The following RBBP4 variants were observed in gnomAD, a reference collection of about 807,000 sequenced individuals.
RBBP4 encodes histone-binding protein RBBP4.
A neutral mutation model predicts 57.2 loss-of-function variants in RBBP4; 3 were observed. The ratio of observed to expected loss-of-function variants is 0.05; its 90% CI spans 0.02 to 0.14. RBBP4 has a LOEUF of 0.14. Ranked by LOEUF, RBBP4 falls within the 10% of genes least tolerant of loss-of-function variation. RBBP4 has a pLI of 1.00. For synonymous variants in RBBP4, 151 were observed against 171.5 expected (o/e 0.88, Z 0.93); for missense variants, 107 against 520.6 (o/e 0.21, Z 7.73).
intron 11 of RBBP4, among the ~76,000 whole-genome samples, chr1:32,675,360 G>A (rs932865803): frequency 1.3e-5 from 2 of 152,020 alleles, no homozygotes; most frequent in African/African-American, 2.4e-5. Flanking sequence ...ATTGAAGACA[G>A]AAATAAAATA....
chr1:32,671,113 T>A (rs1236988983), intron 8 of RBBP4, among the ~76,000 whole-genome samples: 1 of 152,218 alleles, frequency 6.6e-6, no homozygotes, highest in Non-Finnish European at 1.5e-5. Context: ...TAGTAAATTT[T>A]TTGTCTGACT....
chr1:32,676,940 C>G (rs1317498877), intron 11 of RBBP4, among the ~76,000 whole-genome samples: 1 of 151,744 alleles, frequency 6.6e-6, no homozygotes, highest in Non-Finnish European at 1.5e-5. Context: ...GAGACCCTGT[C>G]TCAAAAAAAA....
chr1:32,664,864 C>A (rs12047344), intron 3 of RBBP4, among the ~76,000 whole-genome samples: 1 of 151,982 alleles, frequency 6.6e-6, no homozygotes, highest in African/African-American at 2.4e-5. Flanking sequence ...ATAAAGCAAA[C>A]CACACAAATT....
intron 3 of RBBP4, among the ~76,000 whole-genome samples, chr1:32,663,341 AT>A (rs1436276698): frequency 6.6e-6 from 1 of 152,226 alleles, no homozygotes; most frequent in Non-Finnish European, 1.5e-5. Context: ...AGCCAACAAA[AT>A]AGGAAAGCAA....
At chr1:32,673,695 C>A in intron 11 of RBBP4, 1 of 187,826 alleles carries the variant, frequency 5.3e-6, no homozygotes, top group Non-Finnish European at 1.1e-5. Flanking sequence ...CTCGACCTCC[C>A]GGAGTGCTGG....
At chr1:32,656,072 T>C (rs1321644243) in intron 2 of RBBP4, among the ~76,000 whole-genome samples, 1 of 152,250 alleles carries the variant, frequency 6.6e-6, no homozygotes, top group Admixed American at 6.5e-5. Flanking sequence ...TAGTCAGTTT[T>C]AATCGGCCTT....
chr1:32,658,925 AATGTT>A (rs1252299916), intron 3 of RBBP4, among the ~76,000 whole-genome samples: 19 of 87,640 alleles, frequency 2.2e-4, no homozygotes, highest in African/African-American at 7.6e-4. Context: ...ACACAATATA[AATGTT>A]ATATTTATAT....
At chr1:32,677,843 A>G (rs1281876577) in intron 11 of RBBP4, among the ~76,000 whole-genome samples, 2 of 152,168 alleles carry the variant, frequency 1.3e-5, no homozygotes, top group African/African-American at 2.4e-5. Context: ...AGGTAAGACT[A>G]TCCTGTCCTC....
chr1:32,681,949 A>AT lies in RBBP4; in HGVS notation c.*2247dup. The AT allele has an allele frequency of 8.3e-7, 1 of 1,204,066 alleles. No individual in the cohort carries two copies. The highest frequency in any genetic ancestry group is 1.2e-6 in the Non-Finnish European group (1 of 816,668). The allele number at this position is 1,204,066 out of a possible 1,614,324, so 74.6% of individuals were successfully genotyped here. A position where few individuals can be genotyped will look rare whatever the true frequency, so the allele number is the denominator to read the frequency against. On this transcript the variant is annotated 3_prime_UTR_variant, in exon 12 of 12. Coordinates refer to ENST00000373493, the MANE Select transcript of RBBP4 (RefSeq NM_005610.3). Reference sequence around the variant, plus strand: ...GTTGAGAAGAGATTGTTACAGTGTGATTTATGGATGATCAGGGATGACTTT... The same window carrying AT: ...GTTGAGAAGAGATTGTTACAGTGTGATTTTATGGATGATCAGGGATGACTTT...
chr1:32,682,076 A>G lies in RBBP4; in HGVS notation c.*2371A>G. 1.8e-6 allele frequency: 1 copy of G among 546,062 alleles called. No individual in the cohort carries two copies. Among genetic ancestry groups the G allele is most frequent in the Non-Finnish European group, 3.3e-6 (1 of 307,118 alleles). The allele number at this position is 546,062 out of a possible 1,614,324, so 33.8% of individuals were successfully genotyped here. A position where few individuals can be genotyped will look rare whatever the true frequency, so the allele number is the denominator to read the frequency against. On this transcript the variant is annotated 3_prime_UTR_variant, in exon 12 of 12. Transcript: ENST00000373493. ...GTTTTCTCTGCTAGGTTAACTTCTT[A>G]CAGGTATAATTACAATGCCTGAAAT...
chr1:32,653,338 C>T (rs922980685), intron 2 of RBBP4, among the ~76,000 whole-genome samples: 12 of 152,222 alleles, frequency 7.9e-5, no homozygotes, highest in African/African-American at 2.9e-4. Context: ...AATGGATTTT[C>T]TGGTACAAAA....
chr1:32,681,587 A>T lies in RBBP4; in HGVS notation c.*1882A>T. ...GTTGTTGCTGGAAGACAGGAGGCTC[A>T]TCTTTCCTTTCCTTGGTGCATTGAG... On this transcript the variant is annotated 3_prime_UTR_variant, in exon 12 of 12. Transcript: ENST00000373493. 1 of 577,776 alleles carries T rather than the reference A, an allele frequency of 1.7e-6. No homozygotes were observed. Among genetic ancestry groups the T allele is most frequent in the Non-Finnish European group, 3.1e-6 (1 of 325,258 alleles). The allele number at this position is 577,776 out of a possible 1,614,324, so 35.8% of individuals were successfully genotyped here. A position where few individuals can be genotyped will look rare whatever the true frequency, so the allele number is the denominator to read the frequency against.
rs879598039 is a variant in RBBP4 at position 32,669,784 on chromosome 1, G to A, written c.966+221G>A. Among the ~76,000 whole-genome samples, 4 of 152,260 alleles carry A rather than the reference G, an allele frequency of 2.6e-5. No individual in the cohort carries two copies. Among genetic ancestry groups the A allele is most frequent in the Non-Finnish European group, 5.9e-5 (4 of 68,020 alleles). On this transcript the variant is annotated intron_variant, in intron 8 of 11. Coordinates refer to ENST00000373493, the MANE Select transcript of RBBP4 (RefSeq NM_005610.3). This position sits in a 1 kb window ranked among gnomAD's most constrained non-coding sequence, Gnocchi z 4.9. ...GGATGCCCGTAGTCCCAGCTACTCG[G>A]GAGGCTGAGGCAGGAGAATGGCATG... is the stretch of plus-strand genomic sequence containing the variant.
intron 3 of RBBP4, among the ~76,000 whole-genome samples, chr1:32,661,131 C>T (rs993487753): frequency 2.0e-5 from 3 of 152,108 alleles, no homozygotes; most frequent in East Asian, 1.9e-4. Context: ...TTTTTTTATT[C>T]AGTCAACCAT....
intron 2 of RBBP4, among the ~76,000 whole-genome samples, chr1:32,655,550 C>T (rs571752269): frequency 4.5e-4 from 68 of 152,276 alleles, no homozygotes; most frequent in Middle Eastern, 3.4e-3. Flanking sequence ...AGAGCTTTGC[C>T]TGTGACATCT....
intron 3 of RBBP4, among the ~76,000 whole-genome samples, chr1:32,657,881 C>T (rs1172548663): frequency 6.6e-6 from 1 of 152,070 alleles, no homozygotes; most frequent in Non-Finnish European, 1.5e-5. Flanking sequence ...TTTACTCAGT[C>T]TCGCTCTATT....
intron 2 of RBBP4, among the ~76,000 whole-genome samples, chr1:32,654,178 G>T (rs778439189): frequency 2.6e-5 from 4 of 152,082 alleles, no homozygotes; most frequent in Non-Finnish European, 4.4e-5. Context: ...TTCCAGACCA[G>T]CCTGGGCAAC....
At chr1:32,662,140 TC>T in intron 3 of RBBP4, 2 of 244,964 alleles carry the variant, frequency 8.2e-6, no homozygotes, top group African/African-American at 2.3e-5. Context: ...AGCCTTGGCC[TC>T]CCAGAGTGCT....
intron 3 of RBBP4, among the ~76,000 whole-genome samples, chr1:32,666,767 G>C (rs1437966788): frequency 1.3e-5 from 2 of 152,138 alleles, no homozygotes; most frequent in Non-Finnish European, 2.9e-5. Flanking sequence ...AAAATAGTTA[G>C]AATAAGAATA....
Sources: allele counts gnomAD v4.1 joint callset (sites outside exome capture counted in the v4.1 genomes callset), GRCh38; gene constraint gnomAD v4.1.1; non-coding constraint Gnocchi (gnomAD v3.1); transcripts MANE v1.5; gene names NCBI Gene and HGNC (gene_info 2026-07-23, HGNC 2026-07-21).